The following TANC1 variants were observed in gnomAD, a reference collection of about 807,000 sequenced individuals.
TANC1 encodes protein TANC1.
A neutral mutation model predicts 149.7 loss-of-function variants in TANC1; 77 were observed. The ratio of observed to expected loss-of-function variants is 0.51; its 90% CI spans 0.43 to 0.62. The LOEUF is 0.62. Among genes scored for constraint, TANC1 ranks in the 20% least tolerant of loss-of-function variants. TANC1 has a pLI of 0.00. For synonymous variants in TANC1, 854 were observed against 925.0 expected, an observed-to-expected ratio of 0.92 and a Z score of 1.39; for missense variants, 1,985 against 2,321.8, an observed-to-expected ratio of 0.85 and a Z score of 2.98.
chr2:159,065,588 A>G (rs2042585184), intron 2 of TANC1, among the ~76,000 whole-genome samples: 1 of 150,878 alleles, frequency 6.6e-6, no homozygotes, highest in Admixed American at 6.6e-5. Context: ...TACTGTACCC[A>G]GGTTTAGCCT....
intron 10 of TANC1, among the ~76,000 whole-genome samples, chr2:159,171,539 G>A (rs369010720): frequency 6.6e-6 from 1 of 152,110 alleles, no homozygotes; most frequent in South Asian, 2.1e-4. Flanking sequence ...TGGGAGGATC[G>A]CTTGAGCCCA....
intron 1 of TANC1, among the ~76,000 whole-genome samples, chr2:158,986,816 T>A (rs2035057586): frequency 6.6e-6 from 1 of 152,204 alleles, no homozygotes; most frequent in Non-Finnish European, 1.5e-5. Context: ...CCAATGATGC[T>A]TTTTAGTTTT....
intron 2 of TANC1, among the ~76,000 whole-genome samples, chr2:159,017,753 T>C (rs1277873640): frequency 6.6e-6 from 1 of 151,952 alleles, no homozygotes; most frequent in Non-Finnish European, 1.5e-5. Context: ...AAATACCTAA[T>C]GCACGCGGGA....
At position 159,219,349 on chromosome 2, in the gene TANC1, C is replaced by G; in HGVS notation, c.3490C>G (p.Leu1164Val). The G allele has an allele frequency of 1.2e-6, 2 of 1,612,136 alleles. No individual in the cohort carries two copies. Among genetic ancestry groups the G allele is most frequent in the Non-Finnish European group, 1.7e-6 (2 of 1,178,962 alleles). ...AGGGCACTTGAGCACCGTGGAATTC[C>G]TCCTTTCAAAAGGTAGCAGCGTGAT... ...CEGHLSTVEF[L>V]LSKGAALSSL... Residue 1164 changes from leucine (L) to valine (V), a missense_variant, in exon 21 of 27, where the codon CTC (leucine) becomes GTC (valine). Physicochemically the swap from Leu to Val is conservative, Grantham distance 32 (BLOSUM62 1). Coordinates refer to ENST00000263635, the MANE Select transcript of TANC1 (RefSeq NM_033394.3).
intron 5 of TANC1, chr2:159,148,168 G>A (rs1162832129): frequency 6.6e-6 from 1 of 152,234 alleles, no homozygotes; most frequent in African/African-American, 2.4e-5. Context: ...GAGTGACTAT[G>A]TCATAGGTTA....
intron 1 of TANC1, among the ~76,000 whole-genome samples, chr2:158,977,758 C>A (rs1242442112): frequency 6.6e-6 from 1 of 151,962 alleles, no homozygotes; most frequent in East Asian, 1.9e-4. Flanking sequence ...TAGTAGCTGT[C>A]CCTGTTTTAT....
chr2:159,139,907 G>A (rs992280522), intron 5 of TANC1, among the ~76,000 whole-genome samples: 2 of 152,096 alleles, frequency 1.3e-5, no homozygotes, highest in African/African-American at 4.8e-5. Context: ...GGTCAGACAG[G>A]TATAGAGGAT....
At chr2:159,076,910 T>C (rs2149764332) in intron 3 of TANC1, among the ~76,000 whole-genome samples, 1 of 152,296 alleles carries the variant, frequency 6.6e-6, no homozygotes, top group East Asian at 1.9e-4. Flanking sequence ...CTATGTTATA[T>C]CTCTATATCT....
intron 20 of TANC1, among the ~76,000 whole-genome samples, chr2:159,218,950 T>TTGGCATCCCTCCTCCCCC (rs2059516492): frequency 6.6e-6 from 1 of 152,192 alleles, no homozygotes; most frequent in South Asian, 2.1e-4. Context: ...TCCTTGTAGA[T>TTGGCATCCCTCCTCCCCC]AGTGATTGGC....
intron 24 of TANC1, chr2:159,226,551 AGT>A (rs1163807796): frequency 6.6e-6 from 1 of 152,216 alleles, no homozygotes; most frequent in African/African-American, 2.4e-5. Context: ...AGAATTTGAA[AGT>A]GTTGTTAGAG....
intron 19 of TANC1, among the ~76,000 whole-genome samples, chr2:159,214,168 G>T (rs1302118383): frequency 1.8e-5 from 2 of 109,182 alleles, no homozygotes; most frequent in Admixed American, 1.2e-4. Context: ...AGCAAATGTT[G>T]TGGTGGTTGG....
At chr2:159,102,120 C>T (rs1257393393) in intron 4 of TANC1, among the ~76,000 whole-genome samples, 1 of 152,136 alleles carries the variant, frequency 6.6e-6, no homozygotes, top group East Asian at 1.9e-4. Flanking sequence ...AAGGCACTCC[C>T]TCCCCCAACC....
At chr2:159,017,695 A>AAT (rs70994255) in intron 2 of TANC1, among the ~76,000 whole-genome samples, 1,399 of 138,882 alleles carry the variant, frequency 0.01, 10 homozygotes, top group Middle Eastern at 0.029. Flanking sequence ...ACAACAACAA[A>AAT]ATATATATAT....
intron 20 of TANC1, among the ~76,000 whole-genome samples, chr2:159,218,297 T>C (rs1390645389): frequency 6.6e-6 from 1 of 152,228 alleles, no homozygotes; most frequent in African/African-American, 2.4e-5. Flanking sequence ...TCTCTGCTGA[T>C]GCCTGCTGGC....
In TANC1 at chr2:159,130,040, G is replaced by A. The variant is rs564545240; in HGVS notation, c.260-6154G>A. Among the ~76,000 whole-genome samples the A allele has an allele frequency of 1.8e-3, 272 of 152,314 alleles. 1 individual carries two copies. The highest frequency in any genetic ancestry group is 6.2e-3 in the African/African-American group (256 of 41,560). ...GCGGCGGCAGCAGGATACCAGTACC[G>A]GGGGCGGCGGGGGACTGGGAGCCCA... is the stretch of plus-strand genomic sequence containing the variant. On this transcript the variant is annotated intron_variant, in intron 4 of 26. Coordinates refer to ENST00000263635, the MANE Select transcript of TANC1 (RefSeq NM_033394.3).
intron 7 of TANC1, 68 bp downstream of exon 7, chr2:159,150,624 TC>T (rs2052686199): frequency 3.1e-6 from 4 of 1,274,778 alleles, no homozygotes; most frequent in African/African-American, 1.5e-5. Flanking sequence ...ACCAGGCACT[TC>T]CTCAGAGGGT....
At chr2:159,114,225 C>A (rs943928278) in intron 4 of TANC1, among the ~76,000 whole-genome samples, 4 of 152,178 alleles carry the variant, frequency 2.6e-5, no homozygotes, top group Non-Finnish European at 5.9e-5. Context: ...CAACCAAGCA[C>A]CCAACTGTCC....
intron 2 of TANC1, among the ~76,000 whole-genome samples, chr2:159,026,364 C>A (rs905977757): frequency 1.3e-5 from 2 of 152,198 alleles, no homozygotes; most frequent in Non-Finnish European, 2.9e-5. Context: ...TCCCTGCAGC[C>A]TCAGCTGATC....
chr2:159,030,347 TTA>T (rs1224034581), intron 2 of TANC1, among the ~76,000 whole-genome samples: 1 of 152,228 alleles, frequency 6.6e-6, no homozygotes, highest in African/African-American at 2.4e-5. Flanking sequence ...TTGCTGTTTT[TTA>T]TGTTATTCTA....
Sources: gnomAD v4.1 joint callset for allele counts (sites outside exome capture counted in the v4.1 genomes callset) on GRCh38, gnomAD v4.1.1 for gene constraint, MANE v1.5 for transcripts, NCBI Gene and HGNC (gene_info 2026-07-23, HGNC 2026-07-21) for gene names.